The following GPHN variants were observed in gnomAD, a reference collection of about 807,000 sequenced individuals.
GPHN encodes gephyrin.
Under a neutral mutation model 95.5 loss-of-function variants are expected in GPHN, and 17 were observed. The ratio of observed to expected loss-of-function variants is 0.18; its 90% CI spans 0.12 to 0.27. The LOEUF (loss-of-function observed/expected upper bound fraction) is 0.27. Ranked by LOEUF, GPHN falls within the 10% of genes least tolerant of loss-of-function variation. The pLI, the probability that GPHN is intolerant of heterozygous loss-of-function variation, is 1.00. For synonymous variants in GPHN, 320 were observed against 322.5 expected, an observed-to-expected ratio of 0.99 and a Z score of 0.08; for missense variants, 660 against 978.1, an observed-to-expected ratio of 0.67 and a Z score of 4.34.
At chr14:67,363,426 T>G in the GPHN span, among the ~76,000 whole-genome samples, 1 of 152,310 alleles carries the variant, frequency 6.6e-6, no homozygotes, top group African/African-American at 2.4e-5. Flanking sequence ...ATTGGTGTTA[T>G]GTACTCTGGC....
At position 66,618,256 on chromosome 14, in the gene GPHN, C is replaced by A. The variant is rs201603080; in HGVS notation, c.65-62851C>A. Among the ~76,000 whole-genome samples the A allele has an allele frequency of 5.5e-4, 84 of 152,204 alleles. 1 individual carries two copies. In the East Asian group the frequency reaches 0.015, roughly 27 times the overall value. On this transcript the variant is annotated intron_variant, in intron 1 of 22. Coordinates refer to ENST00000478722, the MANE Select transcript of GPHN (RefSeq NM_020806.5). ...AGTGCTAGGTGTTATTTATTGGCTA[C>A]TTTTATTCATAAAAGTTCCACATGT... is the stretch of plus-strand genomic sequence containing the variant.
chr14:66,668,857 C>T (rs1482226885), intron 1 of GPHN, among the ~76,000 whole-genome samples: 1 of 151,740 alleles, frequency 6.6e-6, no homozygotes, highest in South Asian at 2.1e-4. Context: ...ATTTGTATTA[C>T]CTTTCCCACT....
chr14:67,024,845 C>A (rs929820328), intron 10 of GPHN, among the ~76,000 whole-genome samples: 7 of 152,004 alleles, frequency 4.6e-5, no homozygotes, highest in Non-Finnish European at 1.0e-4. Context: ...AAAATAGAGA[C>A]CTTCACAAAG....
chr14:67,579,932 TG>T, the GPHN span: 2 of 1,502,798 alleles, frequency 1.3e-6, no homozygotes, highest in African/African-American at 1.4e-5. Flanking sequence ...ATATTGGTGG[TG>T]GGGAAAGAGC....
the GPHN span, among the ~76,000 whole-genome samples, chr14:67,597,539 A>G: frequency 5.3e-5 from 8 of 152,182 alleles, 1 homozygote. Flanking sequence ...GTGCTAGATA[A>G]TTATTTGTTG....
chr14:67,154,469 C>T (rs896173285), intron 18 of GPHN, among the ~76,000 whole-genome samples: 6 of 152,084 alleles, frequency 3.9e-5, no homozygotes, highest in Admixed American at 2.0e-4. Flanking sequence ...GTGTCAGGGA[C>T]TATGTCTTTC....
chr14:67,616,082 T>C, the GPHN span: 1 of 286,944 alleles, frequency 3.5e-6, no homozygotes. Context: ...ATGAAGAAGA[T>C]GGTGATGATG....
At chr14:66,932,451 T>TTTTTTTTG (rs2066861543) in intron 8 of GPHN, among the ~76,000 whole-genome samples, 2 of 110,704 alleles carry the variant, frequency 1.8e-5, no homozygotes, top group Non-Finnish European at 3.9e-5. Context: ...CAGGTTTTTT[T>TTTTTTTTG]TTTTTTTTTT....
At chr14:66,945,370 T>C (rs954063364) in intron 8 of GPHN, among the ~76,000 whole-genome samples, 20 of 152,198 alleles carry the variant, frequency 1.3e-4, no homozygotes, top group Non-Finnish European at 2.9e-4. Flanking sequence ...TGCAGGCCAG[T>C]TGGAGATTCT....
chr14:67,613,701 A>G, the GPHN span: 4 of 219,182 alleles, frequency 1.8e-5, no homozygotes, highest in Non-Finnish European at 9.8e-6. Context: ...CACTGCCATC[A>G]TCTAACCATT....
At chr14:67,585,957 C>T in the GPHN span, 14 of 1,611,946 alleles carry the variant, frequency 8.7e-6, no homozygotes, top group African/African-American at 2.7e-5. Context: ...ACAGCAAGTG[C>T]ACATCACTTA....
chr14:67,195,139 G>A, the GPHN span, among the ~76,000 whole-genome samples: 5 of 152,288 alleles, frequency 3.3e-5, no homozygotes, highest in African/African-American at 9.6e-5. Context: ...TAATCCAAAA[G>A]TGTAAAAATA....
chr14:67,472,552 C>A, the GPHN span: 1 of 152,350 alleles, frequency 6.6e-6, no homozygotes, highest in Non-Finnish European at 1.5e-5. Flanking sequence ...CTCAGGAACT[C>A]CCCAGGCATC....
intron 21 of GPHN, among the ~76,000 whole-genome samples, chr14:67,175,448 G>A (rs940418456): frequency 1.3e-5 from 2 of 152,008 alleles, no homozygotes; most frequent in Non-Finnish European, 2.9e-5. Context: ...TATCTGTTTT[G>A]GTACCAGTAT....
the GPHN span, among the ~76,000 whole-genome samples, chr14:67,731,248 T>C: frequency 7.5e-6 from 1 of 133,804 alleles, no homozygotes; most frequent in Non-Finnish European, 1.6e-5. Flanking sequence ...ATAGTCTCAC[T>C]CTGTTGCCCA....
intron 6 of GPHN, among the ~76,000 whole-genome samples, chr14:66,922,341 CA>C (rs2066267854): frequency 6.6e-6 from 1 of 150,604 alleles, no homozygotes; most frequent in African/African-American, 2.4e-5. Context: ...CAGTTCATGA[CA>C]AAAATATTAC....
chr14:66,842,644 G>A, intron 4 of GPHN: 1 of 1,520,806 alleles, frequency 6.6e-7, no homozygotes, highest in South Asian at 1.2e-5. Flanking sequence ...CTGGGAGTCA[G>A]AAATCCCTTT....
the GPHN span, among the ~76,000 whole-genome samples, chr14:67,538,803 T>C: frequency 6.6e-6 from 1 of 152,294 alleles, no homozygotes; most frequent in Non-Finnish European, 1.5e-5. Context: ...ACAGACCACT[T>C]GATCAGTTCA....
At chr14:66,547,915 A>G (rs1349049064) in intron 1 of GPHN, among the ~76,000 whole-genome samples, 1 of 152,234 alleles carries the variant, frequency 6.6e-6, no homozygotes, top group Non-Finnish European at 1.5e-5. Flanking sequence ...TGTTGGTATT[A>G]TTATTCCATC....
Sources: gnomAD v4.1 joint callset for allele counts (sites outside exome capture counted in the v4.1 genomes callset) on GRCh38, gnomAD v4.1.1 for gene constraint, MANE v1.5 for transcripts, NCBI Gene and HGNC (gene_info 2026-07-23, HGNC 2026-07-21) for gene names.